Variants in LMNTD1 observed in about 807,000 individuals in gnomAD.
The protein encoded by LMNTD1 is lamin tail domain-containing protein 1.
Under a neutral mutation model 50.9 loss-of-function variants are expected in LMNTD1, and 35 were observed. The ratio of observed to expected loss-of-function variants is 0.69; its 90% CI spans 0.53 to 0.91. The LOEUF is 0.91. Ranked by LOEUF, LMNTD1 falls within the 40% of genes least tolerant of loss-of-function variation. The pLI, the probability that LMNTD1 is intolerant of heterozygous loss-of-function variation, is 0.00. For synonymous variants in LMNTD1, 153 were observed against 161.9 expected (o/e 0.94, Z 0.42); for missense variants, 470 against 475.5 (o/e 0.99, Z 0.11).
At chr12:25,519,550 T>G (rs1416933866) in intron 7 of LMNTD1, among the ~76,000 whole-genome samples, 1 of 129,550 alleles carries the variant, frequency 7.7e-6, no homozygotes, top group Non-Finnish European at 1.6e-5. Context: ...ATGGCGCCAC[T>G]GCACTCCAGC....
At chr12:25,510,637 CTTATCCT>C (rs1469910211) in intron 8 of LMNTD1, among the ~76,000 whole-genome samples, 7 of 151,934 alleles carry the variant, frequency 4.6e-5, no homozygotes, top group African/African-American at 1.7e-4. Context: ...CCTTTCTTTC[CTTATCCT>C]TTGCTTCCTT....
intron 1 of LMNTD1, among the ~76,000 whole-genome samples, chr12:25,631,638 A>T (rs1946721900): frequency 6.6e-6 from 1 of 152,174 alleles, no homozygotes; most frequent in Admixed American, 6.5e-5. Flanking sequence ...GGGACAAAAG[A>T]ATCTGAACAA....
intron 1 of LMNTD1, among the ~76,000 whole-genome samples, chr12:25,561,312 A>G (rs919493961): frequency 2.6e-5 from 4 of 152,120 alleles, no homozygotes; most frequent in Non-Finnish European, 5.9e-5. Flanking sequence ...ACACTGCTTT[A>G]AATGTGTCCC....
chr12:25,481,418 TCATTC>T (rs1215323855), intron 9 of LMNTD1, among the ~76,000 whole-genome samples: 2 of 152,148 alleles, frequency 1.3e-5, no homozygotes, highest in Non-Finnish European at 2.9e-5. Context: ...AGCAGGCAAG[TCATTC>T]TATATTTAAG....
At chr12:25,607,685 T>A (rs1291468319) in intron 1 of LMNTD1, among the ~76,000 whole-genome samples, 1 of 152,272 alleles carries the variant, frequency 6.6e-6, no homozygotes, top group African/African-American at 2.4e-5. Flanking sequence ...TTGATTGCAC[T>A]GTGGTCTGAG....
At chr12:25,644,313 C>CAGA (rs1947016214) in intron 1 of LMNTD1, among the ~76,000 whole-genome samples, 1 of 82,098 alleles carries the variant, frequency 1.2e-5, no homozygotes, top group Non-Finnish European at 2.2e-5. Flanking sequence ...CCTTTCTCTA[C>CAGA]AAAAAAAAAA....
chr12:25,560,322 G>T (rs1382946120), intron 1 of LMNTD1, among the ~76,000 whole-genome samples: 1 of 152,042 alleles, frequency 6.6e-6, no homozygotes, highest in African/African-American at 2.4e-5. Context: ...TTGCTTGTTT[G>T]TGTCAGGTTT....
At chr12:25,522,845 A>G (rs906430773) in intron 6 of LMNTD1, among the ~76,000 whole-genome samples, 3 of 152,176 alleles carry the variant, frequency 2.0e-5, no homozygotes, top group Admixed American at 6.5e-5. Context: ...TACTTTACAG[A>G]TGGGAAAGTA....
At chr12:25,638,498 A>G (rs1471707052) in intron 1 of LMNTD1, among the ~76,000 whole-genome samples, 1 of 152,082 alleles carries the variant, frequency 6.6e-6, no homozygotes, top group African/African-American at 2.4e-5. Flanking sequence ...GATAGGATAA[A>G]AGATTAATAT....
rs75790821 is a variant in LMNTD1, at chr12:25,501,436, G to T, written c.*22+2302C>A. Reference sequence around the variant, plus strand: ...TTTGTGAATGAAAATGTTTCTTCTGGTCCTGCTTCTAAATGTGTGGTGTTT... The same window carrying T: ...TTTGTGAATGAAAATGTTTCTTCTGTTCCTGCTTCTAAATGTGTGGTGTTT... On this transcript the variant is annotated intron_variant, in intron 9 of 9. Coordinates refer to ENST00000458174, the MANE Select transcript of LMNTD1 (RefSeq NM_001145728.2). 0.019 allele frequency among the ~76,000 whole-genome samples: 2,824 copies of T among 152,258 alleles called. 171 individuals carry two copies. In the East Asian group the frequency reaches 0.19, roughly 10 times the overall value.
At chr12:25,513,251 G>A (rs568545640) in intron 8 of LMNTD1, among the ~76,000 whole-genome samples, 26 of 152,240 alleles carry the variant, frequency 1.7e-4, no homozygotes, top group South Asian at 6.2e-4. Flanking sequence ...GAACTATCTC[G>A]CATTATTGCC....
At chr12:25,482,982 A>G (rs1311629507) in intron 9 of LMNTD1, among the ~76,000 whole-genome samples, 4 of 151,984 alleles carry the variant, frequency 2.6e-5, no homozygotes, top group Non-Finnish European at 5.9e-5. Context: ...AAGCAGTGAC[A>G]ATAACAACTG....
chr12:25,648,067 A>T (rs1160388931), intron 1 of LMNTD1, among the ~76,000 whole-genome samples: 1 of 152,186 alleles, frequency 6.6e-6, no homozygotes, highest in Non-Finnish European at 1.5e-5. Context: ...AAAGTTTTTC[A>T]TCATAAAAGT....
At chr12:25,558,738 G>A (rs911622288) in intron 1 of LMNTD1, among the ~76,000 whole-genome samples, 3 of 152,198 alleles carry the variant, frequency 2.0e-5, no homozygotes, top group African/African-American at 7.2e-5. Flanking sequence ...GAGAGCATGT[G>A]CAGGGGAACT....
chr12:25,631,248 G>A (rs1946712728), intron 1 of LMNTD1, among the ~76,000 whole-genome samples: 1 of 152,194 alleles, frequency 6.6e-6, no homozygotes, highest in Non-Finnish European at 1.5e-5. Context: ...AATCTTGGGA[G>A]TTCTAGGGCC....
intron 1 of LMNTD1, among the ~76,000 whole-genome samples, chr12:25,589,409 G>A (rs1323015364): frequency 6.6e-6 from 1 of 152,128 alleles, no homozygotes; most frequent in East Asian, 1.9e-4. Context: ...GGAAAGCAAG[G>A]AATTGATAAA....
At chr12:25,507,933 C>T (rs909721802) in intron 8 of LMNTD1, among the ~76,000 whole-genome samples, 3 of 152,016 alleles carry the variant, frequency 2.0e-5, no homozygotes, top group Non-Finnish European at 4.4e-5. Flanking sequence ...TGGGTTTAAG[C>T]TTATTAATGG....
chr12:25,494,613 C>T (rs1938999038), intron 9 of LMNTD1, among the ~76,000 whole-genome samples: 2 of 151,982 alleles, frequency 1.3e-5, no homozygotes, highest in Non-Finnish European at 2.9e-5. Context: ...TAAGTCAGTA[C>T]TCTCATAAGC....
chr12:25,576,809 G>T (rs1945039456), intron 1 of LMNTD1, among the ~76,000 whole-genome samples: 1 of 152,144 alleles, frequency 6.6e-6, no homozygotes, highest in South Asian at 2.1e-4. Flanking sequence ...TTTTTCTAGG[G>T]TTTTTATGGT....
Sources: gnomAD v4.1 joint callset for allele counts (sites outside exome capture counted in the v4.1 genomes callset) on GRCh38, gnomAD v4.1.1 for gene constraint, MANE v1.5 for transcripts, NCBI Gene and HGNC (gene_info 2026-07-23, HGNC 2026-07-21) for gene names.